The following RNF220 variants were observed in gnomAD, a reference collection of about 807,000 sequenced individuals.
The protein encoded by RNF220 is ring finger protein 220.
A neutral mutation model predicts 67.1 loss-of-function variants in RNF220; 7 were observed. The ratio of observed to expected loss-of-function variants is 0.10; its 90% CI spans 0.06 to 0.20. The LOEUF (loss-of-function observed/expected upper bound fraction) is 0.20. RNF220 is among the 10% of genes least tolerant of loss of function. The pLI is 1.00. For synonymous variants in RNF220, 270 were observed against 283.2 expected, an observed-to-expected ratio of 0.95 and a Z score of 0.47; for missense variants, 565 against 740.3, an observed-to-expected ratio of 0.76 and a Z score of 2.75.
chr1:44,412,092 A>G lies in RNF220; in HGVS notation c.-6A>G, dbSNP rs772495049. Reference sequence around the variant, plus strand: ...TGCGTAACGCCGGCCACAGAAAGAGACTCCGATGGACTTACACCGGGCAGC... The same window carrying G: ...TGCGTAACGCCGGCCACAGAAAGAGGCTCCGATGGACTTACACCGGGCAGC... On this transcript the variant is annotated 5_prime_UTR_variant, in exon 2 of 15. Coordinates refer to ENST00000361799, the MANE Select transcript of RNF220 (RefSeq NM_018150.4). The surrounding 1 kb of genome is among the most constrained non-coding windows in gnomAD (Gnocchi z 5.3). 6 of 1,598,788 alleles carry G rather than the reference A, an allele frequency of 3.8e-6. No individual in the cohort carries two copies. The highest frequency in any genetic ancestry group is 3.4e-5 in the Admixed American group (2 of 58,450).
chr1:44,569,482 T>A (rs965147193), intron 2 of RNF220, among the ~76,000 whole-genome samples: 1 of 152,222 alleles, frequency 6.6e-6, no homozygotes, highest in Non-Finnish European at 1.5e-5. Flanking sequence ...ACGATGATAG[T>A]TTAATCTTTT....
intron 2 of RNF220, among the ~76,000 whole-genome samples, chr1:44,525,478 C>T (rs749522565): frequency 1.3e-4 from 20 of 152,220 alleles, no homozygotes; most frequent in Non-Finnish European, 2.6e-4. Flanking sequence ...AACTGCTGCC[C>T]CGCTTTGGTC....
intron 2 of RNF220, among the ~76,000 whole-genome samples, chr1:44,574,757 G>A (rs958118891): frequency 2.0e-5 from 3 of 152,198 alleles, no homozygotes; most frequent in East Asian, 1.9e-4. Flanking sequence ...CTGACCTCCA[G>A]CCCGGGGTGG....
intron 1 of RNF220, among the ~76,000 whole-genome samples, chr1:44,409,602 TAAATTAAAAA>T (rs1336369360): frequency 6.6e-6 from 1 of 152,238 alleles, no homozygotes; most frequent in Admixed American, 6.5e-5. Context: ...CACGAAGTGC[TAAATTAAAAA>T]AAATCAGCAT....
At chr1:44,448,263 C>T (rs1432288559) in intron 2 of RNF220, among the ~76,000 whole-genome samples, 3 of 152,220 alleles carry the variant, frequency 2.0e-5, no homozygotes, top group African/African-American at 7.2e-5. Flanking sequence ...TGCCGCACTG[C>T]AGCCTGAGTT....
intron 2 of RNF220, among the ~76,000 whole-genome samples, chr1:44,460,151 C>T (rs918324932): frequency 6.6e-6 from 1 of 152,190 alleles, no homozygotes; most frequent in Non-Finnish European, 1.5e-5. Flanking sequence ...CCTCGTCTCA[C>T]GGGGTGAGGG....
In RNF220 at chr1:44,417,232, TC is replaced by T. The variant is rs1648627572; in HGVS notation, c.625+4513del. ...TGACTGCCCAGACCTAGCCTGACTC[TC>T]CCTCAGCTGCTCCCGGGTTCTCCCC... On this transcript the variant is annotated intron_variant, in intron 2 of 14. Coordinates refer to ENST00000361799, the MANE Select transcript of RNF220 (RefSeq NM_018150.4). This position sits in a 1 kb window ranked among gnomAD's most constrained non-coding sequence, Gnocchi z 4.0. Among the ~76,000 whole-genome samples the T allele has an allele frequency of 6.6e-6, 1 of 152,166 alleles. No homozygotes were observed. Among genetic ancestry groups the T allele is most frequent in the Non-Finnish European group, 1.5e-5 (1 of 68,024 alleles).
rs182115632 is a variant in RNF220 at position 44,462,575 on chromosome 1, G to C, written c.625+49853G>C. 1.7e-4 allele frequency among the ~76,000 whole-genome samples: 26 copies of C among 152,214 alleles called. 1 individual carries two copies. In the East Asian group the frequency reaches 5.0e-3, roughly 29 times the overall value. ...ACATTTATATAACAGTACTAGTAAG[G>C]GGTTTTGAAGTGGAAAGAAATTCTC... On this transcript the variant is annotated intron_variant, in intron 2 of 14. Transcript: ENST00000361799.
intron 2 of RNF220, among the ~76,000 whole-genome samples, chr1:44,430,436 A>G (rs1650237822): frequency 6.6e-6 from 1 of 152,212 alleles, no homozygotes; most frequent in South Asian, 2.1e-4. Context: ...CTAATATATT[A>G]ATAATAGTGA....
chr1:44,557,330 G>C (rs934354316), intron 2 of RNF220, among the ~76,000 whole-genome samples: 1 of 150,396 alleles, frequency 6.6e-6, no homozygotes, highest in Non-Finnish European at 1.5e-5. Context: ...TTCTAGACCA[G>C]TTCTGGGCAA....
intron 2 of RNF220, among the ~76,000 whole-genome samples, chr1:44,469,936 A>G (rs1359679814): frequency 6.6e-6 from 1 of 152,134 alleles, no homozygotes; most frequent in African/African-American, 2.4e-5. Context: ...AGGAGTTCTT[A>G]CTCTTAAGAA....
Position 44,434,884 on chromosome 1 carries a change from G to A in RNF220, c.625+22162G>A, listed in dbSNP as rs541920561. 4.0e-3 allele frequency among the ~76,000 whole-genome samples: 601 copies of A among 151,668 alleles called. 3 individuals are homozygous for A. Among genetic ancestry groups the A allele is most frequent in the African/African-American group, 0.014 (569 of 41,336 alleles). The stretch of plus-strand genomic sequence containing the variant: ...AAAAAAAAAAAATTAAAAATTAGCC[G>A]GATGTGGTAGCACACACCTATAGTC... On this transcript the variant is annotated intron_variant, in intron 2 of 14. Coordinates refer to ENST00000361799, the MANE Select transcript of RNF220 (RefSeq NM_018150.4).
chr1:44,566,123 C>T (rs554534892), intron 2 of RNF220, among the ~76,000 whole-genome samples: 1 of 152,280 alleles, frequency 6.6e-6, no homozygotes, highest in South Asian at 2.1e-4. Context: ...CCCTAGCTTG[C>T]CCTTCCCCAG....
At chr1:44,432,687 G>A (rs774272432) in intron 2 of RNF220, among the ~76,000 whole-genome samples, 4 of 152,012 alleles carry the variant, frequency 2.6e-5, no homozygotes, top group Non-Finnish European at 2.9e-5. Flanking sequence ...AGTGATCTTC[G>A]TGCATTAGCC....
intron 2 of RNF220, among the ~76,000 whole-genome samples, chr1:44,442,841 G>A (rs941523763): frequency 1.3e-5 from 2 of 152,056 alleles, no homozygotes; most frequent in African/African-American, 4.8e-5. Context: ...AATAAACAAA[G>A]CCAGAAATAA....
At position 44,407,291 on chromosome 1, in the gene RNF220, TAAAG is replaced by T. The variant is rs1387266187; in HGVS notation, c.-118+1765_-118+1768del. Among the ~76,000 whole-genome samples the T allele has an allele frequency of 4.8e-4, 70 of 147,024 alleles. 1 individual carries two copies. Among genetic ancestry groups the T allele is most frequent in the African/African-American group, 1.7e-3 (66 of 39,690 alleles). On this transcript the variant is annotated intron_variant, in intron 1 of 14. Transcript: ENST00000361799. The stretch of plus-strand genomic sequence containing the variant: ...GGGCAAAGGGGAGAGAAAGGAAAAA[TAAAG>T]AAAAAAAAGGGCGGCAGTGAGGAAG...
In RNF220 at chr1:44,405,390, C is replaced by G; in HGVS notation, c.-258C>G. The G allele has an allele frequency of 1.6e-6, 1 of 630,698 alleles. No homozygotes were observed. The highest frequency in any genetic ancestry group is 2.4e-5 in the Admixed American group (1 of 41,680). 39.1% of individuals were successfully genotyped at this position (630,698 alleles called of 1,614,324 possible). On this transcript the variant is annotated 5_prime_UTR_variant, in exon 1 of 15. Coordinates refer to ENST00000361799, the MANE Select transcript of RNF220 (RefSeq NM_018150.4). ...GGCCAGCCGCCTACTGCTGCTGCTG[C>G]TGCTGCCGCTGCCGCCGCCGCCGCC...
At chr1:44,588,495 C>A (rs1158824933) in intron 2 of RNF220, among the ~76,000 whole-genome samples, 1 of 152,242 alleles carries the variant, frequency 6.6e-6, no homozygotes, top group Non-Finnish European at 1.5e-5. Context: ...CTTTGCCTTT[C>A]CAATCTGTCT....
intron 2 of RNF220, among the ~76,000 whole-genome samples, chr1:44,465,048 C>G (rs1446768281): frequency 6.6e-6 from 1 of 152,152 alleles, no homozygotes; most frequent in East Asian, 1.9e-4. Flanking sequence ...TACACAGGGT[C>G]TGACACATAG....
Sources: gnomAD v4.1 joint callset for allele counts (sites outside exome capture counted in the v4.1 genomes callset) on GRCh38, gnomAD v4.1.1 for gene constraint, Gnocchi (gnomAD v3.1) non-coding constraint, MANE v1.5 for transcripts, NCBI Gene and HGNC (gene_info 2026-07-23, HGNC 2026-07-21) for gene names.